CSMD1: variants seen among roughly 807,000 people sequenced by gnomAD.
CSMD1 encodes CUB and Sushi multiple domains 1, also known as CUB and sushi domain-containing protein 1.
In CSMD1, 213 loss-of-function variants were observed where a neutral mutation model predicts 417.5. That is an observed-to-expected ratio of 0.51 (90% CI 0.46 to 0.57). The LOEUF (loss-of-function observed/expected upper bound fraction) is 0.57. Ranked by LOEUF, CSMD1 falls within the 20% of genes least tolerant of loss-of-function variation. CSMD1 has a pLI of 0.00. For synonymous variants in CSMD1, 2,862 were observed against 1,736.8 expected (o/e 1.65, Z -16.11); for missense variants, 6,923 against 4,529.7 (o/e 1.53, Z -15.17).
At chr8:3,731,468 C>G (rs577316385) in intron 6 of CSMD1, among the ~76,000 whole-genome samples, 1 of 152,294 alleles carries the variant, frequency 6.6e-6, no homozygotes, top group East Asian at 1.9e-4. Context: ...CCCTTCAATT[C>G]AATCCGAAAC....
At position 3,160,307 on chromosome 8, in the gene CSMD1, G is replaced by A. The variant is rs144318013; in HGVS notation, c.5844+1852C>T. 5.9e-5 allele frequency among the ~76,000 whole-genome samples: 9 copies of A among 152,184 alleles called. No individual in the cohort carries two copies. In the East Asian group the frequency reaches 1.5e-3, roughly 26 times the overall value. ...CCAGCTCATTTTTGTATTTTTTGTA[G>A]AGATGGTGTCTCACTGTGTTGCCCA... On this transcript the variant is annotated intron_variant, in intron 38 of 69. Coordinates refer to ENST00000635120, the MANE Select transcript of CSMD1 (RefSeq NM_033225.6).
At chr8:3,050,887 G>C (rs1414341551) in intron 50 of CSMD1, among the ~76,000 whole-genome samples, 7 of 152,172 alleles carry the variant, frequency 4.6e-5, no homozygotes, top group Non-Finnish European at 7.3e-5. Context: ...TGAAGACTAT[G>C]TGAATCCTTC....
At chr8:4,310,780 T>A (rs1437907841) in intron 3 of CSMD1, among the ~76,000 whole-genome samples, 1 of 152,192 alleles carries the variant, frequency 6.6e-6, no homozygotes, top group Non-Finnish European at 1.5e-5. Flanking sequence ...TATACAGCCT[T>A]ACCAAAGGAA....
At chr8:4,732,384 G>GTGTGT (rs1563244645) in intron 1 of CSMD1, among the ~76,000 whole-genome samples, 43 of 45,312 alleles carry the variant, frequency 9.5e-4, no homozygotes, top group African/African-American at 3.1e-3. Flanking sequence ...TGTGTGTGTA[G>GTGTGT]TGTTTTTCCC....
intron 1 of CSMD1, among the ~76,000 whole-genome samples, chr8:4,749,047 C>A (rs866345380): frequency 9.6e-5 from 14 of 145,996 alleles, no homozygotes; most frequent in African/African-American, 3.7e-4. Flanking sequence ...TGTGTGTGTG[C>A]CTGTGTGCGT....
chr8:3,214,489 G>A lies in CSMD1; in HGVS notation c.4867+8C>T. 8 of 1,576,756 alleles carry A rather than the reference G, an allele frequency of 5.1e-6. No individual in the cohort carries two copies. The highest frequency in any genetic ancestry group is 6.9e-6 in the Non-Finnish European group (8 of 1,162,056). ...GTATTTCTAGAAAATACCCAAGCGT[G>A]CACTCACCATTGCAGGAGGGCAGCA... On this transcript the variant is annotated splice_region_variant and intron_variant, in intron 30 of 69. Coordinates refer to ENST00000635120, the MANE Select transcript of CSMD1 (RefSeq NM_033225.6).
In CSMD1 at chr8:4,217,271, G is replaced by A. The variant is rs960266169; in HGVS notation, c.416-185172C>T. 5.9e-5 allele frequency among the ~76,000 whole-genome samples: 9 copies of A among 152,298 alleles called. 1 individual carries two copies. The highest frequency in any genetic ancestry group is 2.1e-4 in the South Asian group (1 of 4,828). The stretch of plus-strand genomic sequence containing the variant: ...GATATGGGATTTAGAATTTGCAGAA[G>A]TCTTTCATATAAGCCAAGTGTCCAT... On this transcript the variant is annotated intron_variant, in intron 3 of 69. Coordinates refer to ENST00000635120, the MANE Select transcript of CSMD1 (RefSeq NM_033225.6).
intron 2 of CSMD1, among the ~76,000 whole-genome samples, chr8:4,467,446 A>C (rs1800249334): frequency 6.6e-6 from 1 of 152,128 alleles, no homozygotes; most frequent in Non-Finnish European, 1.5e-5. Flanking sequence ...CATCCTTCTA[A>C]ACCGTTAATC....
At chr8:3,547,253 G>T (rs982817670) in intron 10 of CSMD1, among the ~76,000 whole-genome samples, 1 of 152,158 alleles carries the variant, frequency 6.6e-6, no homozygotes, top group Non-Finnish European at 1.5e-5. Flanking sequence ...CTTGTGTTAT[G>T]AGCACCAAGA....
chr8:4,021,721 C>G (rs1796798651), intron 4 of CSMD1, among the ~76,000 whole-genome samples: 1 of 152,114 alleles, frequency 6.6e-6, no homozygotes. Flanking sequence ...TGTATTGTTG[C>G]AATATCCCTT....
At chr8:3,814,102 T>C (rs562105565) in intron 5 of CSMD1, among the ~76,000 whole-genome samples, 1 of 152,208 alleles carries the variant, frequency 6.6e-6, no homozygotes, top group African/African-American at 2.4e-5. Context: ...GAGCTTGAGA[T>C]CAGAACCCAT....
chr8:2,943,961 T>C (rs887059733), intron 68 of CSMD1, among the ~76,000 whole-genome samples: 7 of 152,230 alleles, frequency 4.6e-5, no homozygotes, highest in Admixed American at 3.9e-4. Flanking sequence ...TTTAAATCAT[T>C]ATTTGTATCA....
At chr8:3,632,688 T>G (rs1359859106) in intron 7 of CSMD1, among the ~76,000 whole-genome samples, 1 of 152,238 alleles carries the variant, frequency 6.6e-6, no homozygotes, top group Admixed American at 6.5e-5. Context: ...CATCCATCAG[T>G]ACTATTTAGG....
At chr8:3,492,877 G>C (rs1050687153) in intron 11 of CSMD1, among the ~76,000 whole-genome samples, 3 of 151,968 alleles carry the variant, frequency 2.0e-5, no homozygotes, top group Admixed American at 6.6e-5. Context: ...TTTACAGGAA[G>C]TCTGGAAAGG....
chr8:4,887,167 G>A (rs1803805621), intron 1 of CSMD1, among the ~76,000 whole-genome samples: 1 of 151,916 alleles, frequency 6.6e-6, no homozygotes, highest in South Asian at 2.1e-4. Context: ...GATCTGATAT[G>A]TTCAGTCATT....
At chr8:3,871,695 G>A (rs958197726) in intron 5 of CSMD1, among the ~76,000 whole-genome samples, 1 of 152,060 alleles carries the variant, frequency 6.6e-6, no homozygotes, top group African/African-American at 2.4e-5. Flanking sequence ...TTTTCACCCA[G>A]GTAAATGTGT....
At chr8:3,812,131 T>C (rs1801124942) in intron 5 of CSMD1, among the ~76,000 whole-genome samples, 1 of 152,204 alleles carries the variant, frequency 6.6e-6, no homozygotes, top group South Asian at 2.1e-4. Flanking sequence ...TGTCCATATT[T>C]GTATTCATAT....
intron 1 of CSMD1, among the ~76,000 whole-genome samples, chr8:4,949,938 T>C (rs1808627820): frequency 6.6e-6 from 1 of 152,122 alleles, no homozygotes; most frequent in Admixed American, 6.6e-5. Context: ...GTGTATTCTA[T>C]CTACATTGCA....
chr8:3,499,756 T>A (rs1198519894), intron 10 of CSMD1, among the ~76,000 whole-genome samples: 1 of 151,992 alleles, frequency 6.6e-6, no homozygotes, highest in Non-Finnish European at 1.5e-5. Context: ...GGGGTCATAG[T>A]CCTGCATCCT....
Sources: gnomAD v4.1 joint callset for allele counts (sites outside exome capture counted in the v4.1 genomes callset) on GRCh38, gnomAD v4.1.1 for gene constraint, MANE v1.5 for transcripts, NCBI Gene and HGNC (gene_info 2026-07-23, HGNC 2026-07-21) for gene names.